Variants in TSPAN18 observed in about 807,000 individuals in gnomAD.
TSPAN18 encodes the protein tetraspanin 18, also known as tetraspanin-18.
Under a neutral mutation model 27.3 loss-of-function variants are expected in TSPAN18, and 14 were observed. The observed-to-expected ratio is 0.51, with a 90% CI of 0.34 to 0.80. TSPAN18 has a LOEUF of 0.80. TSPAN18 is among the 30% of genes least tolerant of loss of function. The pLI, the probability that TSPAN18 is intolerant of heterozygous loss-of-function variation, is 0.01. For missense variants in TSPAN18, 268 were observed against 323.9 expected (o/e 0.83, Z 1.32); for synonymous variants, 143 against 136.5 (o/e 1.05, Z -0.33).
At chr11:44,879,904 A>G (rs1027573151) in intron 3 of TSPAN18, among the ~76,000 whole-genome samples, 1 of 152,252 alleles carries the variant, frequency 6.6e-6, no homozygotes, top group Non-Finnish European at 1.5e-5. Flanking sequence ...GATGAGTGCC[A>G]GCTGCCATGC....
chr11:44,913,382 T>C (rs1005069941), intron 5 of TSPAN18, among the ~76,000 whole-genome samples: 1 of 152,214 alleles, frequency 6.6e-6, no homozygotes, highest in African/African-American at 2.4e-5. Flanking sequence ...CAAATACTCG[T>C]GTTGATCAGT....
intron 2 of TSPAN18, among the ~76,000 whole-genome samples, chr11:44,841,242 C>T (rs970469208): frequency 8.5e-5 from 13 of 152,158 alleles, no homozygotes; most frequent in South Asian, 2.1e-4. Context: ...TGTGGCCAGG[C>T]GTGGTGGCTC....
intron 3 of TSPAN18, among the ~76,000 whole-genome samples, chr11:44,879,913 G>T (rs1420224868): frequency 6.6e-6 from 1 of 152,226 alleles, no homozygotes; most frequent in African/African-American, 2.4e-5. Flanking sequence ...CAGCTGCCAT[G>T]CAGGGACCTC....
chr11:44,926,519 G>T (rs551849582), intron 8 of TSPAN18, 155 bp from the exon 9 acceptor site: 7 of 702,998 alleles, frequency 1.0e-5, no homozygotes, highest in Non-Finnish European at 1.8e-5. Context: ...TGGGTCTCCT[G>T]CCCTGCACCC....
chr11:44,847,951 A>G (rs1039293753), intron 2 of TSPAN18, among the ~76,000 whole-genome samples: 7 of 151,818 alleles, frequency 4.6e-5, no homozygotes, highest in African/African-American at 1.7e-4. Flanking sequence ...TTCCTGCCTC[A>G]GCCTCCCAAG....
chr11:44,781,836 C>G (rs1186305553), intron 2 of TSPAN18, among the ~76,000 whole-genome samples: 1 of 152,194 alleles, frequency 6.6e-6, no homozygotes, highest in Non-Finnish European at 1.5e-5. Flanking sequence ...TCTTAGCCCT[C>G]CCCAGTTAAT....
chr11:44,846,523 C>T (rs575710783), intron 2 of TSPAN18, among the ~76,000 whole-genome samples: 2 of 152,226 alleles, frequency 1.3e-5, no homozygotes, highest in East Asian at 3.9e-4. Context: ...CGACAAACGT[C>T]AAGTCTAAGG....
chr11:44,765,665 G>T (rs772813067), intron 2 of TSPAN18, among the ~76,000 whole-genome samples: 1 of 152,152 alleles, frequency 6.6e-6, no homozygotes, highest in Non-Finnish European at 1.5e-5. Flanking sequence ...TAATGTCATC[G>T]AGATTTGAAG....
chr11:44,788,680 C>T (rs1412608595), intron 2 of TSPAN18, among the ~76,000 whole-genome samples: 1 of 152,070 alleles, frequency 6.6e-6, no homozygotes, highest in African/African-American at 2.4e-5. Context: ...GTCTCCTGAC[C>T]TTGTGATCTC....
intron 2 of TSPAN18, among the ~76,000 whole-genome samples, chr11:44,807,192 TAAAAAAAAAAAAAAAAAAAAAAAA>T (rs1046665098): frequency 3.0e-5 from 2 of 67,320 alleles, no homozygotes; most frequent in Non-Finnish European, 5.0e-5. Flanking sequence ...CCCTGTCTCT[TAAAAAAAAAAAAAAAAAAAAAAAA>T]AAAAAAAAAA....
chr11:44,911,792 G>A (rs1026180293), intron 5 of TSPAN18, among the ~76,000 whole-genome samples: 1 of 152,236 alleles, frequency 6.6e-6, no homozygotes, highest in South Asian at 2.1e-4. Flanking sequence ...GCCCCAGGAC[G>A]TCCTCCCTCC....
intron 2 of TSPAN18, among the ~76,000 whole-genome samples, chr11:44,829,872 G>A (rs1480126600): frequency 6.6e-6 from 1 of 152,174 alleles, no homozygotes; most frequent in Non-Finnish European, 1.5e-5. Context: ...GATGTTAATA[G>A]GTATACAGTG....
At position 44,740,074 on chromosome 11, in the gene TSPAN18, G is replaced by A. The variant is rs80192461; in HGVS notation, c.-240+12787G>A. ...AATCTGCAGAGACACCTATGGTAGG[G>A]TGGCTACCGGGTCAGTGGCTTATTC... is the stretch of plus-strand genomic sequence containing the variant. On this transcript the variant is annotated intron_variant, in intron 1 of 9. Transcript: ENST00000520358. Among the ~76,000 whole-genome samples the A allele has an allele frequency of 6.4e-3, 978 of 152,338 alleles. 10 individuals are homozygous for A. The highest frequency in any genetic ancestry group is 0.021 in the East Asian group (110 of 5,184).
intron 1 of TSPAN18, among the ~76,000 whole-genome samples, chr11:44,751,921 C>T (rs1855219190): frequency 1.3e-5 from 2 of 148,652 alleles, no homozygotes; most frequent in African/African-American, 5.0e-5. Flanking sequence ...AGCAGGACTC[C>T]ATCTCAAAAA....
At chr11:44,821,910 C>T (rs1856936551) in intron 2 of TSPAN18, among the ~76,000 whole-genome samples, 1 of 152,166 alleles carries the variant, frequency 6.6e-6, no homozygotes, top group Non-Finnish European at 1.5e-5. Flanking sequence ...GCTGAGGTTC[C>T]AGAATATCAG....
chr11:44,907,619 A>C (rs764247356), intron 4 of TSPAN18, among the ~76,000 whole-genome samples: 1 of 152,198 alleles, frequency 6.6e-6, no homozygotes, highest in African/African-American at 2.4e-5. Context: ...GAGCCAGCTC[A>C]TCCTTCCTCC....
In TSPAN18 at chr11:44,727,465, G is replaced by T. The variant is rs530752594; in HGVS notation, c.-240+178G>T. ...GTTCCACTCAAACTAGCACGCGGGGGCTGGGGGGCCGGGGACGGTCTCCAC... is the reference window on the plus strand; with the variant it reads ...GTTCCACTCAAACTAGCACGCGGGGTCTGGGGGGCCGGGGACGGTCTCCAC... On this transcript the variant is annotated intron_variant, in intron 1 of 9. Coordinates refer to ENST00000520358, the MANE Select transcript of TSPAN18 (RefSeq NM_130783.5). 8.7e-4 allele frequency among the ~76,000 whole-genome samples: 133 copies of T among 152,322 alleles called. 1 individual carries two copies. The highest frequency in any genetic ancestry group is 2.5e-3 in the African/African-American group (106 of 41,588).
chr11:44,832,782 C>G (rs143645147), intron 2 of TSPAN18, among the ~76,000 whole-genome samples: 2 of 152,136 alleles, frequency 1.3e-5, no homozygotes, highest in African/African-American at 4.8e-5. Flanking sequence ...CTTGTTCAGA[C>G]GACAGCCTCA....
chr11:44,754,189 T>C (rs1325677796), intron 1 of TSPAN18, among the ~76,000 whole-genome samples: 1 of 152,204 alleles, frequency 6.6e-6, no homozygotes, highest in Non-Finnish European at 1.5e-5. Flanking sequence ...TACATGGACT[T>C]GAGCAGGGAA....
Sources: allele counts gnomAD v4.1 joint callset (sites outside exome capture counted in the v4.1 genomes callset), GRCh38; gene constraint gnomAD v4.1.1; transcripts MANE v1.5; gene names NCBI Gene and HGNC (gene_info 2026-07-23, HGNC 2026-07-21).